Variants in CFAP221 observed in about 807,000 individuals in gnomAD.
CFAP221 encodes the protein cilia and flagella associated protein 221.
A neutral mutation model predicts 113.1 loss-of-function variants in CFAP221; 97 were observed. That is an observed-to-expected ratio of 0.86 (90% CI 0.73 to 1.02). The LOEUF (loss-of-function observed/expected upper bound fraction) is 1.02. Ranked by LOEUF, CFAP221 falls within the 50% of genes least tolerant of loss-of-function variation. The probability of loss-of-function intolerance (pLI) is 0.00; values close to 1 mark genes in which losing one functional copy is unlikely to be tolerated. For missense variants in CFAP221, 1,025 were observed against 1,013.4 expected, an observed-to-expected ratio of 1.01 and a Z score of -0.16; for synonymous variants, 331 against 354.4, an observed-to-expected ratio of 0.93 and a Z score of 0.74.
chr2:119,596,377 G>A (rs1237406434), intron 7 of CFAP221, among the ~76,000 whole-genome samples: 3 of 152,176 alleles, frequency 2.0e-5, no homozygotes, highest in Non-Finnish European at 4.4e-5. Context: ...CTGTCTCCGC[G>A]ATGTTAGGCA....
intron 7 of CFAP221, among the ~76,000 whole-genome samples, chr2:119,593,221 G>T (rs183225757): frequency 6.6e-6 from 1 of 152,300 alleles, no homozygotes; most frequent in Admixed American, 6.5e-5. Context: ...GTGTGTATGT[G>T]TGTGCATGTA....
In CFAP221 at chr2:119,625,690, T is replaced by TATC. The variant is rs760563187; in HGVS notation, c.1516+2_1516+3insATC. Reference sequence around the variant, plus strand: ...AAGCAAAACAATCGATAGCACAAGGTGAAGTATGGCTGCAAAGCACAGAGA... The same window carrying TATC: ...AAGCAAAACAATCGATAGCACAAGGTATCGAAGTATGGCTGCAAAGCACAGAGA... On this transcript the variant is annotated splice_region_variant and intron_variant, in intron 15 of 23. Coordinates refer to ENST00000413369, the MANE Select transcript of CFAP221 (RefSeq NM_001271049.2). The TATC allele has an allele frequency of 1.3e-6, 2 of 1,598,620 alleles. No homozygotes were observed. Among genetic ancestry groups the TATC allele is most frequent in the Admixed American group, 3.3e-5 (2 of 59,988 alleles).
chr2:119,599,600 C>T (rs1050953118), intron 7 of CFAP221, among the ~76,000 whole-genome samples: 2 of 152,124 alleles, frequency 1.3e-5, no homozygotes, highest in African/African-American at 4.8e-5. Context: ...AGCCAGTGCA[C>T]AGTGCAGAGC....
At chr2:119,647,683 T>A (rs769100395) in intron 22 of CFAP221, among the ~76,000 whole-genome samples, 3 of 152,106 alleles carry the variant, frequency 2.0e-5, no homozygotes, top group Non-Finnish European at 2.9e-5. Flanking sequence ...TAGATCTGAG[T>A]CATTACTTCC....
At chr2:119,615,590 G>T in intron 13 of CFAP221, 21 bp from the exon 14 acceptor site, 1 of 1,522,614 alleles carries the variant, frequency 6.6e-7, no homozygotes, top group African/African-American at 1.4e-5. Context: ...TGTAAGATGT[G>T]CCTATATTTT....
chr2:119,630,483 G>A, intron 17 of CFAP221, 87 bp from the exon 18 acceptor site: 2 of 991,816 alleles, frequency 2.0e-6, no homozygotes, highest in Non-Finnish European at 3.1e-6. Context: ...TTTACCACCA[G>A]GAAGCTCGGA....
intron 3 of CFAP221, among the ~76,000 whole-genome samples, chr2:119,558,813 C>A (rs1681011980): frequency 1.3e-5 from 2 of 152,040 alleles, no homozygotes; most frequent in Admixed American, 6.5e-5. Flanking sequence ...CACAGAAAGA[C>A]CCTGTCTCAA....
At position 119,627,750 on chromosome 2, in the gene CFAP221, C is replaced by T. The variant is rs369030643; in HGVS notation, c.1614C>T (p.Phe538=). The T allele has an allele frequency of 2.5e-6, 4 of 1,613,882 alleles. No individual in the cohort carries two copies. Among genetic ancestry groups the T allele is most frequent in the Non-Finnish European group, 2.5e-6 (3 of 1,179,972 alleles). ...VSPKEVLPFA[F]PDCSPPQDSN... ...CCAAGGAGGTGCTGCCCTTCGCTTT[C>T]CCAGACTGCAGCCCACCCCAGGACT... The change falls in exon 16 of 24, where the codon TTC becomes TTT. Residue 538 remains phenylalanine, a synonymous_variant. Transcript: ENST00000413369.
chr2:119,596,002 T>G (rs1248457215), intron 7 of CFAP221, among the ~76,000 whole-genome samples: 1 of 151,876 alleles, frequency 6.6e-6, no homozygotes, highest in Non-Finnish European at 1.5e-5. Flanking sequence ...AGGGGAGCAG[T>G]GTGCAAGGCC....
chr2:119,651,857 G>T, intron 22 of CFAP221, 117 bp from the exon 23 acceptor site: 1 of 715,810 alleles, frequency 1.4e-6, no homozygotes. Flanking sequence ...AAAGTAGATG[G>T]AACTAAAGTT....
downstream of CFAP221, among the ~76,000 whole-genome samples, chr2:119,658,009 T>A (rs527546015): frequency 5.3e-5 from 8 of 152,330 alleles, no homozygotes; most frequent in South Asian, 1.7e-3. Flanking sequence ...AATATAATCA[T>A]GGGGAGAGAC....
At position 119,627,735 on chromosome 2, in the gene CFAP221, G is replaced by C. The variant is rs1414694125; in HGVS notation, c.1599G>C (p.Val533=). ...GGTTCTCTGTGTCGCCCAAGGAGGT[G>C]CTGCCCTTCGCTTTCCCAGACTGCA... ...TSRFSVSPKE[V]LPFAFPDCSP... The change falls in exon 16 of 24, where the codon GTG becomes GTC. Residue 533 remains valine (V), a synonymous_variant. Transcript: ENST00000413369. 1 of 1,613,808 alleles carries C rather than the reference G, an allele frequency of 6.2e-7. No individual in the cohort carries two copies. The highest frequency in any genetic ancestry group is 1.7e-5 in the Admixed American group (1 of 59,980).
At chr2:119,611,027 G>T (rs1227819244) in intron 12 of CFAP221, among the ~76,000 whole-genome samples, 1 of 151,914 alleles carries the variant, frequency 6.6e-6, no homozygotes, top group Non-Finnish European at 1.5e-5. Flanking sequence ...AGCAGTCTGG[G>T]GTCACTCACC....
chr2:119,643,787 C>T (rs13023648), intron 21 of CFAP221, among the ~76,000 whole-genome samples: 107,595 of 151,788 alleles, frequency 0.71, 40,408 homozygotes, highest in South Asian at 0.84. Context: ...TCAAGCAATC[C>T]GCCCACCTCA....
chr2:119,628,126 A>AGGC (rs1257290677), intron 16 of CFAP221, among the ~76,000 whole-genome samples: 1 of 152,184 alleles, frequency 6.6e-6, no homozygotes, highest in Admixed American at 6.5e-5. Flanking sequence ...CCAGGGAGGC[A>AGGC]GGCTCTGCTC....
intron 20 of CFAP221, among the ~76,000 whole-genome samples, chr2:119,639,432 C>G (rs1322414694): frequency 6.6e-6 from 1 of 152,212 alleles, no homozygotes; most frequent in Non-Finnish European, 1.5e-5. Flanking sequence ...TGGAGTGCTG[C>G]TGGATGAACT....
At chr2:119,573,607 G>C (rs993687966) in intron 6 of CFAP221, 1 of 152,364 alleles carries the variant, frequency 6.6e-6, no homozygotes, top group Non-Finnish European at 1.5e-5. Flanking sequence ...GAGGCAGGAG[G>C]ATCACTTGAG....
At chr2:119,645,392 GT>G (rs1687740707) in intron 21 of CFAP221, among the ~76,000 whole-genome samples, 1 of 151,314 alleles carries the variant, frequency 6.6e-6, no homozygotes, top group Admixed American at 6.6e-5. Context: ...TATCCTTCCT[GT>G]GTTTCTCTTT....
At chr2:119,589,189 CCACCAGTCTCAGGAA>C (rs368217272) in intron 7 of CFAP221, among the ~76,000 whole-genome samples, 4,191 of 152,316 alleles carry the variant, frequency 0.028, 70 homozygotes, top group Non-Finnish European at 0.041. Context: ...CATCGTTGCT[CCACCAGTCTCAGGAA>C]CGTTCTTGGT....
Sources: gnomAD v4.1 joint callset for allele counts (sites outside exome capture counted in the v4.1 genomes callset) on GRCh38, gnomAD v4.1.1 for gene constraint, MANE v1.5 for transcripts, NCBI Gene and HGNC (gene_info 2026-07-23, HGNC 2026-07-21) for gene names.